Variants in GRIK1 observed in about 807,000 individuals in gnomAD.
The protein encoded by GRIK1 is glutamate receptor ionotropic, kainate 1.
A neutral mutation model predicts 105.7 loss-of-function variants in GRIK1; 69 were observed. The observed-to-expected ratio is 0.65, with a 90% CI of 0.54 to 0.80. The LOEUF (loss-of-function observed/expected upper bound fraction) is 0.80. GRIK1 is among the 30% of genes least tolerant of loss of function. GRIK1 has a pLI of 0.00. For synonymous variants in GRIK1, 438 were observed against 431.3 expected (o/e 1.02, Z -0.19); for missense variants, 1,109 against 1,167.3 (o/e 0.95, Z 0.73).
chr21:29,854,555 G>A (rs1400579502), intron 1 of GRIK1, among the ~76,000 whole-genome samples: 1 of 152,112 alleles, frequency 6.6e-6, no homozygotes, highest in African/African-American at 2.4e-5. Flanking sequence ...CTTGGGTGGG[G>A]GAATGAGGTA....
chr21:29,927,415 T>C (rs1288914179), intron 1 of GRIK1, among the ~76,000 whole-genome samples: 1 of 150,524 alleles, frequency 6.6e-6, no homozygotes, highest in Admixed American at 6.7e-5. Context: ...CTATGTAGTA[T>C]ATGTTTTATA....
At chr21:29,885,150 A>G (rs2069564838) in intron 1 of GRIK1, among the ~76,000 whole-genome samples, 1 of 152,076 alleles carries the variant, frequency 6.6e-6, no homozygotes, top group Admixed American at 6.6e-5. Context: ...ACATACATAT[A>G]TTGTATAATG....
At chr21:29,633,283 G>A (rs1470243885) in intron 7 of GRIK1, among the ~76,000 whole-genome samples, 2 of 152,162 alleles carry the variant, frequency 1.3e-5, no homozygotes, top group African/African-American at 4.8e-5. Context: ...GGCAGATCAT[G>A]AAGTCAAGAG....
intron 1 of GRIK1, among the ~76,000 whole-genome samples, chr21:29,906,314 A>G (rs1371870156): frequency 6.6e-6 from 1 of 152,230 alleles, no homozygotes; most frequent in Non-Finnish European, 1.5e-5. Context: ...TTTTATATCA[A>G]ATACCTTTAC....
chr21:29,537,864 A>C lies in GRIK1; in HGVS notation c.2628T>G (p.Ile876Met). The C allele has an allele frequency of 7.1e-7, 1 of 1,410,812 alleles. No homozygotes were observed. Among genetic ancestry groups the C allele is most frequent in the Non-Finnish European group, 1.0e-6 (1 of 1,000,084 alleles). The allele number at this position is 1,410,812 out of a possible 1,614,324, so 87.4% of individuals were successfully genotyped here. Residue 876 changes from isoleucine (I) to methionine (M), a missense_variant, in exon 17 of 18, where the codon ATT (isoleucine) becomes ATG (methionine). Coordinates refer to ENST00000327783, the MANE Select transcript of GRIK1 (RefSeq NM_001330994.2). ...DIEQKGKSSR[I>M]RFYFRNKVRF... ...TTACTTTGTTCCTAAAATAAAATCT[A>C]ATTCTTGATGACTTTCCTTTCTGAT... is the stretch of plus-strand genomic sequence containing the variant.
At chr21:29,651,431 C>T in intron 5 of GRIK1, 140 bp from the exon 6 acceptor site, 1 of 588,326 alleles carries the variant, frequency 1.7e-6, no homozygotes, top group Non-Finnish European at 2.9e-6. Flanking sequence ...TTTCAGTTAC[C>T]TGCGGTCAAC....
At chr21:29,725,711 A>G (rs932891199) in intron 1 of GRIK1, among the ~76,000 whole-genome samples, 17 of 152,244 alleles carry the variant, frequency 1.1e-4, no homozygotes, top group Non-Finnish European at 4.4e-5. Context: ...ATGAGAGTGC[A>G]TAAAGTATGC....
chr21:29,549,847 C>A (rs1441778563), intron 16 of GRIK1, among the ~76,000 whole-genome samples: 1 of 151,926 alleles, frequency 6.6e-6, no homozygotes. Flanking sequence ...AGGCTTATGG[C>A]TGTAATCTCA....
chr21:29,743,164 T>C (rs1016515047), intron 1 of GRIK1, among the ~76,000 whole-genome samples: 2 of 152,146 alleles, frequency 1.3e-5, no homozygotes, highest in African/African-American at 4.8e-5. Flanking sequence ...AATGTATACA[T>C]ACAGAGAGAG....
At chr21:29,660,829 A>T (rs2062948871) in intron 4 of GRIK1, among the ~76,000 whole-genome samples, 2 of 152,266 alleles carry the variant, frequency 1.3e-5, no homozygotes, top group South Asian at 4.1e-4. Flanking sequence ...AATAACTTCC[A>T]AATGTGTGAA....
At chr21:29,765,785 G>A (rs1017570770) in intron 1 of GRIK1, among the ~76,000 whole-genome samples, 2 of 152,076 alleles carry the variant, frequency 1.3e-5, no homozygotes, top group African/African-American at 4.8e-5. Context: ...CAGGAGCAAT[G>A]CTTCTGCACT....
chr21:29,597,582 G>A (rs1448068983), intron 8 of GRIK1: 2 of 438,866 alleles, frequency 4.6e-6, no homozygotes. Flanking sequence ...AACATCCCAT[G>A]CACCATCGTG....
intron 1 of GRIK1, among the ~76,000 whole-genome samples, chr21:29,816,013 C>G (rs2067145817): frequency 6.6e-6 from 1 of 151,990 alleles, no homozygotes; most frequent in East Asian, 1.9e-4. Context: ...AAGAGACAAT[C>G]TATTGATGGG....
intron 1 of GRIK1, among the ~76,000 whole-genome samples, chr21:29,698,359 G>T (rs538157583): frequency 1.3e-5 from 2 of 152,310 alleles, no homozygotes; most frequent in East Asian, 1.9e-4. Context: ...GAGAGGCAAA[G>T]TTGTCCCCTC....
chr21:29,764,277 T>C (rs576455604), intron 1 of GRIK1, among the ~76,000 whole-genome samples: 1 of 152,282 alleles, frequency 6.6e-6, no homozygotes, highest in South Asian at 2.1e-4. Context: ...ACTTTCAGTT[T>C]ACTAGTGCCA....
chr21:29,684,916 T>C (rs1292593182), intron 3 of GRIK1, among the ~76,000 whole-genome samples: 1 of 152,214 alleles, frequency 6.6e-6, no homozygotes, highest in Non-Finnish European at 1.5e-5. Context: ...CTACCTATTG[T>C]CTATCATCTA....
At chr21:29,813,488 T>C (rs1015882846) in intron 1 of GRIK1, among the ~76,000 whole-genome samples, 21 of 152,160 alleles carry the variant, frequency 1.4e-4, no homozygotes, top group African/African-American at 5.1e-4. Context: ...AATGCACTTG[T>C]GTGTTTTCTT....
At chr21:29,802,515 C>T (rs1348116213) in intron 1 of GRIK1, among the ~76,000 whole-genome samples, 3 of 152,084 alleles carry the variant, frequency 2.0e-5, no homozygotes, top group African/African-American at 7.2e-5. Flanking sequence ...AACTGTTGCA[C>T]CAAATGAAAA....
At chr21:29,739,414 G>C (rs984255791) in intron 1 of GRIK1, among the ~76,000 whole-genome samples, 1 of 152,316 alleles carries the variant, frequency 6.6e-6, no homozygotes, top group Non-Finnish European at 1.5e-5. Flanking sequence ...ACAGGAAAGG[G>C]ATGTGGGAGA....
Sources: allele counts gnomAD v4.1 joint callset (sites outside exome capture counted in the v4.1 genomes callset), GRCh38; gene constraint gnomAD v4.1.1; transcripts MANE v1.5; gene names NCBI Gene and HGNC (gene_info 2026-07-23, HGNC 2026-07-21).